Variants in DAB2IP observed in about 807,000 individuals in gnomAD.
The protein encoded by DAB2IP is DAB2 interacting protein.
A neutral mutation model predicts 107.2 loss-of-function variants in DAB2IP; 28 were observed. The ratio of observed to expected loss-of-function variants is 0.26; its 90% CI spans 0.19 to 0.36. DAB2IP has a LOEUF of 0.36. Among genes scored for constraint, DAB2IP ranks in the 10% least tolerant of loss-of-function variants. The pLI, the probability that DAB2IP is intolerant of heterozygous loss-of-function variation, is 1.00. For synonymous variants in DAB2IP, 755 were observed against 706.4 expected (o/e 1.07, Z -1.09); for missense variants, 1,400 against 1,644.7 (o/e 0.85, Z 2.57).
At chr9:121,669,520 C>G (rs1052702323) in intron 1 of DAB2IP, among the ~76,000 whole-genome samples, 16 of 152,062 alleles carry the variant, frequency 1.1e-4, no homozygotes, top group Non-Finnish European at 4.4e-5. Context: ...GGTTGGGTGA[C>G]TTGGGGGAGG....
chr9:121,777,666 A>G (rs576666390), intron 14 of DAB2IP, among the ~76,000 whole-genome samples: 2 of 152,212 alleles, frequency 1.3e-5, no homozygotes, highest in South Asian at 2.1e-4. Context: ...TGGCTTTTCT[A>G]TTTCTCCCTT....
intron 2 of DAB2IP, among the ~76,000 whole-genome samples, chr9:121,694,386 C>T (rs571256398): frequency 2.0e-5 from 3 of 152,240 alleles, no homozygotes; most frequent in South Asian, 2.1e-4. Flanking sequence ...AGGCATTGGG[C>T]GCTCCTAGGC....
In DAB2IP at chr9:121,684,200, C is replaced by T. The variant is rs1446391918; in HGVS notation, c.228+5419C>T. 6.6e-6 allele frequency among the ~76,000 whole-genome samples: 1 copy of T among 152,172 alleles called. No homozygotes were observed. On this transcript the variant is annotated intron_variant, in intron 2 of 15. Transcript: ENST00000408936. The surrounding 1 kb of genome is among the most constrained non-coding windows in gnomAD (Gnocchi z 4.0). ...CAAGCTAGTGGGTGACCCTCCCGCC[C>T]ATGTCACCATGGAAAGGCTGTTGGA...
intron 3 of DAB2IP, among the ~76,000 whole-genome samples, chr9:121,741,211 T>C (rs1181378650): frequency 6.6e-6 from 1 of 152,172 alleles, no homozygotes; most frequent in Non-Finnish European, 1.5e-5. Context: ...TTGTCAAACC[T>C]TGGGGATGCT....
chr9:121,776,311 G>A lies in DAB2IP; in HGVS notation c.3234G>A (p.Gln1078=). The A allele has an allele frequency of 1.3e-6, 2 of 1,567,930 alleles. No homozygotes were observed. The highest frequency in any genetic ancestry group is 1.7e-6 in the Non-Finnish European group (2 of 1,156,306). ...CGCAGAAGCTGGTGCTGGAGTACCAGGCACGGCTGGAGGAGGGCGAGGAGC... is the reference window on the plus strand; with the variant it reads ...CGCAGAAGCTGGTGCTGGAGTACCAAGCACGGCTGGAGGAGGGCGAGGAGC... Residue 1078 remains glutamine, a synonymous_variant, in exon 14 of 16, where the codon CAG becomes CAA. Transcript: ENST00000408936. This position sits in a 1 kb window ranked among gnomAD's most constrained non-coding sequence, Gnocchi z 5.4.
At chr9:121,767,789 G>A (rs1834391980) in intron 9 of DAB2IP, among the ~76,000 whole-genome samples, 1 of 152,200 alleles carries the variant, frequency 6.6e-6, no homozygotes, top group Admixed American at 6.5e-5. Flanking sequence ...AACAATAGCA[G>A]AAAATTCGCA....
At chr9:121,775,177 C>G (rs1196383655) in intron 13 of DAB2IP, among the ~76,000 whole-genome samples, 2 of 152,186 alleles carry the variant, frequency 1.3e-5, no homozygotes, top group Non-Finnish European at 2.9e-5. Context: ...AGCGCAGGCC[C>G]CAGAACGGCA....
intron 3 of DAB2IP, among the ~76,000 whole-genome samples, chr9:121,704,679 C>T (rs149349792): frequency 6.6e-6 from 1 of 152,334 alleles, no homozygotes; most frequent in Non-Finnish European, 1.5e-5. Flanking sequence ...CCTCCTCCCC[C>T]TCCCTTCTTC....
chr9:121,737,256 G>C (rs1327387635), intron 3 of DAB2IP: 1 of 985,338 alleles, frequency 1.0e-6, no homozygotes, highest in Admixed American at 6.1e-5. Context: ...GCTTTCAGGA[G>C]TGTTTCTCGT....
At chr9:121,689,601 A>G (rs1358158013) in intron 2 of DAB2IP, among the ~76,000 whole-genome samples, 1 of 151,888 alleles carries the variant, frequency 6.6e-6, no homozygotes, top group East Asian at 1.9e-4. Context: ...AGGGAGAGAA[A>G]CAAGATAGCA....
chr9:121,644,593 C>CAA (rs566564685), intron 1 of DAB2IP, among the ~76,000 whole-genome samples: 6 of 140,104 alleles, frequency 4.3e-5, no homozygotes, highest in African/African-American at 1.3e-4. Flanking sequence ...GACTCCATCT[C>CAA]AAAAAAAAAT....
intron 1 of DAB2IP, among the ~76,000 whole-genome samples, chr9:121,586,002 T>C (rs1331045750): frequency 6.6e-6 from 1 of 152,178 alleles, no homozygotes; most frequent in East Asian, 1.9e-4. Flanking sequence ...TCCCTGTCGC[T>C]GGGCCTCTCC....
chr9:121,593,702 C>G (rs185377505), intron 1 of DAB2IP, among the ~76,000 whole-genome samples: 1 of 122,588 alleles, frequency 8.2e-6, no homozygotes, highest in African/African-American at 3.2e-5. Context: ...GAGTCTCACT[C>G]TGTTGCCCAG....
At chr9:121,580,347 G>C (rs1362560204) in intron 1 of DAB2IP, among the ~76,000 whole-genome samples, 1 of 152,156 alleles carries the variant, frequency 6.6e-6, no homozygotes, top group African/African-American at 2.4e-5. Flanking sequence ...GACCTCTAGG[G>C]GTAGGTGGGA....
intron 3 of DAB2IP, among the ~76,000 whole-genome samples, chr9:121,739,728 G>C (rs1219305572): frequency 6.6e-6 from 1 of 152,216 alleles, no homozygotes; most frequent in Non-Finnish European, 1.5e-5. Flanking sequence ...AGGCAAGCAT[G>C]GAGACACATG....
chr9:121,715,750 T>C (rs950796648), intron 3 of DAB2IP, among the ~76,000 whole-genome samples: 1 of 152,148 alleles, frequency 6.6e-6, no homozygotes, highest in African/African-American at 2.4e-5. Context: ...CCCCATGAAA[T>C]GGGTTGGTTT....
intron 8 of DAB2IP, among the ~76,000 whole-genome samples, chr9:121,764,629 C>T (rs779622164): frequency 2.0e-5 from 3 of 152,198 alleles, no homozygotes; most frequent in Non-Finnish European, 4.4e-5. Flanking sequence ...ATATTCACCC[C>T]AGAGGAGCTG....
intron 1 of DAB2IP, among the ~76,000 whole-genome samples, chr9:121,597,365 G>A (rs1830552453): frequency 6.6e-6 from 1 of 152,166 alleles, no homozygotes; most frequent in African/African-American, 2.4e-5. Flanking sequence ...TTATAGAAAA[G>A]TCCACCCTTC....
chr9:121,754,776 T>C (rs1329351580), intron 3 of DAB2IP, among the ~76,000 whole-genome samples: 2 of 152,126 alleles, frequency 1.3e-5, no homozygotes, highest in Non-Finnish European at 2.9e-5. Context: ...CAGGGTCTCC[T>C]TGGGTTTCCC....
Sources: gnomAD v4.1 joint callset for allele counts (sites outside exome capture counted in the v4.1 genomes callset) on GRCh38, gnomAD v4.1.1 for gene constraint, Gnocchi (gnomAD v3.1) non-coding constraint, MANE v1.5 for transcripts, NCBI Gene and HGNC (gene_info 2026-07-23, HGNC 2026-07-21) for gene names.